The following LAMA2 variants were observed in gnomAD, a reference collection of about 807,000 sequenced individuals.
LAMA2 encodes laminin subunit alpha-2.
In LAMA2, 269 loss-of-function variants were observed where a neutral mutation model predicts 364.8. That is an observed-to-expected ratio of 0.74 (90% CI 0.67 to 0.82). The LOEUF (loss-of-function observed/expected upper bound fraction) is 0.82, where lower values mean the gene tolerates loss of function less well. Among genes scored for constraint, LAMA2 ranks in the 40% least tolerant of loss-of-function variants. The probability of loss-of-function intolerance (pLI) is 0.00; values close to 1 mark genes in which losing one functional copy is unlikely to be tolerated. For synonymous variants in LAMA2, 1,379 were observed against 1,370.6 expected (o/e 1.01, Z -0.14); for missense variants, 3,807 against 3,873.2 (o/e 0.98, Z 0.45).
chr6:129,283,402 A>G (rs562887595), intron 18 of LAMA2, among the ~76,000 whole-genome samples: 3 of 152,242 alleles, frequency 2.0e-5, no homozygotes, highest in South Asian at 4.1e-4. Context: ...GCAACATGTC[A>G]TACATTATGG....
chr6:128,908,277 G>A (rs1268755473), intron 1 of LAMA2, among the ~76,000 whole-genome samples: 1 of 151,700 alleles, frequency 6.6e-6, no homozygotes, highest in Non-Finnish European at 1.5e-5. Flanking sequence ...GACTCTTTTT[G>A]GTTGGTAAGC....
At chr6:129,029,049 AT>A (rs1196766326) in intron 1 of LAMA2, among the ~76,000 whole-genome samples, 2 of 151,950 alleles carry the variant, frequency 1.3e-5, no homozygotes, top group Non-Finnish European at 2.9e-5. Flanking sequence ...GTATTGTTAA[AT>A]TAACAAGTAG....
chr6:128,909,546 G>A lies in LAMA2; in HGVS notation c.112+26189G>A, dbSNP rs1430442529. Among the ~76,000 whole-genome samples the A allele has an allele frequency of 4.2e-3, 614 of 144,636 alleles. 4 individuals carry two copies. The highest frequency in any genetic ancestry group is 0.015 in the African/African-American group (574 of 38,338). 94.9% of individuals were successfully genotyped at this position (144,636 alleles called of 152,430 possible). On this transcript the variant is annotated intron_variant, in intron 1 of 64. Transcript: ENST00000421865. ...TATGTGTGTCTCTGCACGTGAGATGGGTTTCCTGAATACAGCACACTGATG... is the reference window on the plus strand; with the variant it reads ...TATGTGTGTCTCTGCACGTGAGATGAGTTTCCTGAATACAGCACACTGATG...
At chr6:129,461,038 G>A (rs1325155778) in intron 49 of LAMA2, among the ~76,000 whole-genome samples, 1 of 151,850 alleles carries the variant, frequency 6.6e-6, no homozygotes, top group Non-Finnish European at 1.5e-5. Flanking sequence ...AATGAATACA[G>A]GATATAAAAT....
At chr6:128,934,034 T>A (rs1779659091) in intron 1 of LAMA2, among the ~76,000 whole-genome samples, 1 of 152,238 alleles carries the variant, frequency 6.6e-6, no homozygotes, top group South Asian at 2.1e-4. Flanking sequence ...AAGGAGCCTT[T>A]TCTTTATATT....
At chr6:128,926,696 A>G (rs1779120603) in intron 1 of LAMA2, among the ~76,000 whole-genome samples, 1 of 152,204 alleles carries the variant, frequency 6.6e-6, no homozygotes, top group Admixed American at 6.5e-5. Flanking sequence ...AATATTGGTA[A>G]TCCTCCTTCT....
At chr6:129,449,730 A>T (rs1782569856) in intron 45 of LAMA2, among the ~76,000 whole-genome samples, 1 of 151,332 alleles carries the variant, frequency 6.6e-6, no homozygotes, top group Admixed American at 6.6e-5. Flanking sequence ...CAGTTTTAAA[A>T]TGGCTTCTCT....
At chr6:129,345,463 C>T (rs1428096311) in intron 30 of LAMA2, among the ~76,000 whole-genome samples, 1 of 151,926 alleles carries the variant, frequency 6.6e-6, no homozygotes, top group African/African-American at 2.4e-5. Flanking sequence ...AGAATACTAC[C>T]CTGATTGGTT....
chr6:129,004,987 T>G (rs1784355998), intron 1 of LAMA2, among the ~76,000 whole-genome samples: 1 of 152,130 alleles, frequency 6.6e-6, no homozygotes, highest in African/African-American at 2.4e-5. Flanking sequence ...ATCACTAACT[T>G]TCAAAACTTT....
intron 1 of LAMA2, among the ~76,000 whole-genome samples, chr6:128,982,743 C>T (rs1419221166): frequency 6.3e-5 from 9 of 143,470 alleles, no homozygotes; most frequent in African/African-American, 2.3e-4. Context: ...TCTCCTAATG[C>T]TATCCCTCCC....
intron 1 of LAMA2, among the ~76,000 whole-genome samples, chr6:129,039,600 G>A (rs375505044): frequency 6.6e-6 from 1 of 152,202 alleles, no homozygotes; most frequent in Non-Finnish European, 1.5e-5. Flanking sequence ...AGGAAGACTA[G>A]GAAGGGCAGT....
At chr6:129,264,386 G>C (rs9483006) in intron 15 of LAMA2, among the ~76,000 whole-genome samples, 7 of 151,526 alleles carry the variant, frequency 4.6e-5, no homozygotes, top group African/African-American at 1.7e-4. Flanking sequence ...TGGTGTGTGT[G>C]GGGGGGTGGG....
intron 3 of LAMA2, among the ~76,000 whole-genome samples, chr6:129,079,931 G>A (rs899925956): frequency 4.6e-5 from 7 of 151,888 alleles, no homozygotes; most frequent in African/African-American, 9.7e-5. Context: ...GTGATATGTC[G>A]CCAATGCAAG....
At chr6:129,168,711 G>T (rs1189696483) in intron 9 of LAMA2, among the ~76,000 whole-genome samples, 7 of 143,198 alleles carry the variant, frequency 4.9e-5, no homozygotes, top group African/African-American at 1.6e-4. Flanking sequence ...GAAAGGCATT[G>T]GTAGCTTGAT....
chr6:129,342,598 A>G, intron 30 of LAMA2, 131 bp downstream of exon 30: 1 of 825,366 alleles, frequency 1.2e-6, no homozygotes, highest in Non-Finnish European at 1.8e-6. Flanking sequence ...ATTTTTAATA[A>G]TATAGAAACA....
In LAMA2 at chr6:129,176,198, A is replaced by G. The variant is rs201902793; in HGVS notation, c.1307-1508A>G. ...TTTTCTCTTTAACCCAAGAGTTATT[A>G]AAGAGAAATATTTAGGCATTAATTT... On this transcript the variant is annotated intron_variant, in intron 9 of 64. Transcript: ENST00000421865. Among the ~76,000 whole-genome samples, 106 of 152,118 alleles carry G rather than the reference A, an allele frequency of 7.0e-4. 1 individual carries two copies. In the East Asian group the frequency reaches 0.011, roughly 16 times the overall value.
chr6:129,038,094 G>A (rs918810949), intron 1 of LAMA2, among the ~76,000 whole-genome samples: 102 of 152,188 alleles, frequency 6.7e-4, no homozygotes, highest in Non-Finnish European at 1.2e-3. Flanking sequence ...AAAATAAAGA[G>A]CACATTAAAA....
chr6:129,046,785 T>C (rs1265141708), intron 1 of LAMA2, among the ~76,000 whole-genome samples: 4 of 152,238 alleles, frequency 2.6e-5, no homozygotes, highest in Non-Finnish European at 4.4e-5. Flanking sequence ...ACCATACTTA[T>C]ATGCCATTCC....
At chr6:129,477,053 C>CTA (rs1435045642) in intron 53 of LAMA2, among the ~76,000 whole-genome samples, 1 of 152,176 alleles carries the variant, frequency 6.6e-6, no homozygotes, top group African/African-American at 2.4e-5. Flanking sequence ...AATCATCACC[C>CTA]TATCAACTAC....
Sources: allele counts gnomAD v4.1 joint callset (sites outside exome capture counted in the v4.1 genomes callset), GRCh38; gene constraint gnomAD v4.1.1; transcripts MANE v1.5; gene names NCBI Gene and HGNC (gene_info 2026-07-23, HGNC 2026-07-21).